MED24: variants seen among roughly 807,000 people sequenced by gnomAD.
MED24 encodes mediator of RNA polymerase II transcription subunit 24.
In MED24, 74 loss-of-function variants were observed where a neutral mutation model predicts 118.8. The ratio of observed to expected loss-of-function variants is 0.62; its 90% CI spans 0.52 to 0.76. MED24 has a LOEUF of 0.76. Ranked by LOEUF, MED24 falls within the 30% of genes least tolerant of loss-of-function variation. The pLI, the probability that MED24 is intolerant of heterozygous loss-of-function variation, is 0.00. For missense variants in MED24, 1,041 were observed against 1,278.9 expected (o/e 0.81, Z 2.84); for synonymous variants, 521 against 523.9 (o/e 0.99, Z 0.08).
rs1039135656 is a variant in MED24 at position 40,033,226 on chromosome 17, G to A, written c.672-20C>T. The A allele has an allele frequency of 1.2e-6, 2 of 1,613,314 alleles. No individual in the cohort carries two copies. Among genetic ancestry groups the A allele is most frequent in the Non-Finnish European group, 1.7e-6 (2 of 1,179,990 alleles). On this transcript the variant is annotated intron_variant, in intron 7 of 25. Coordinates refer to ENST00000394128, the MANE Select transcript of MED24 (RefSeq NM_014815.4). The surrounding 1 kb of genome is among the most constrained non-coding windows in gnomAD (Gnocchi z 5.2). ...GGGATGCTGAGGGGTCACAAACACAGGGGACGGTGTTTGGGGGGCCAAAGG... is the reference window on the plus strand; with the variant it reads ...GGGATGCTGAGGGGTCACAAACACAAGGGACGGTGTTTGGGGGGCCAAAGG...
In MED24 at chr17:40,020,425, C is replaced by T. The variant is rs531506360; in HGVS notation, c.2624-72G>A. 156 of 1,550,916 alleles carry T rather than the reference C, an allele frequency of 1.0e-4. No homozygotes were observed. In the African/African-American group the frequency reaches 1.8e-3, roughly 18 times the overall value. On this transcript the variant is annotated intron_variant, in intron 23 of 25. Coordinates refer to ENST00000394128, the MANE Select transcript of MED24 (RefSeq NM_014815.4). The stretch of plus-strand genomic sequence containing the variant: ...CAAAAGTGGTGCTCCCCGGGGATGC[C>T]CCAACCCGACCTTCACCCATCGGAG...
rs771666982 is a variant in MED24 at position 40,026,841 on chromosome 17, G to A, written c.1709+15C>T. ...CCCCACCGCCACCCTTGGAGTGGGC[G>A]CCCGGGCCACTGACACTAGCTTCAT... On this transcript the variant is annotated intron_variant, in intron 17 of 25. Transcript: ENST00000394128. 5.0e-6 allele frequency: 8 copies of A among 1,610,528 alleles called. No homozygotes were observed. The highest frequency in any genetic ancestry group is 2.2e-5 in the South Asian group (2 of 90,974).
intron 3 of MED24, among the ~76,000 whole-genome samples, chr17:40,047,705 A>C (rs575411220): frequency 2.0e-3 from 298 of 152,120 alleles, no homozygotes; most frequent in African/African-American, 6.6e-3. Flanking sequence ...CAACAACAAA[A>C]AAAAAACCCT....
chr17:40,029,990 G>A lies in MED24; in HGVS notation c.1155-131C>T, dbSNP rs1983174586. On this transcript the variant is annotated intron_variant, in intron 12 of 25. Coordinates refer to ENST00000394128, the MANE Select transcript of MED24 (RefSeq NM_014815.4). ...GCATGTAAGAACCTCCGAGGTTGGG[G>A]TGAAGTTTATGGAAGCATAGTCAAT... The A allele has an allele frequency of 1.9e-5, 14 of 735,306 alleles. No individual in the cohort carries two copies. In the South Asian group the frequency reaches 2.4e-4, roughly 12 times the overall value. 45.5% of individuals were successfully genotyped at this position (735,306 alleles called of 1,614,324 possible).
chr17:40,046,453 TAAG>T (rs577075855), intron 3 of MED24, among the ~76,000 whole-genome samples: 215 of 147,802 alleles, frequency 1.5e-3, no homozygotes, highest in African/African-American at 4.1e-3. Flanking sequence ...AGTTAAAAAA[TAAG>T]AAGAAAAGGC....
At chr17:40,053,415 T>C in intron 2 of MED24, 35 bp from the exon 3 acceptor site, 1 of 1,613,472 alleles carries the variant, frequency 6.2e-7, no homozygotes, top group Non-Finnish European at 8.5e-7. Context: ...ACTGAGTGAT[T>C]ACAACTTCTC....
chr17:40,049,881 G>A (rs1985635933), intron 3 of MED24, among the ~76,000 whole-genome samples: 1 of 151,628 alleles, frequency 6.6e-6, no homozygotes, highest in Non-Finnish European at 1.5e-5. Flanking sequence ...TGGGCGTGGT[G>A]GCTCAAGCCT....
intron 3 of MED24, 99 bp downstream of exon 3, chr17:40,053,199 T>C: frequency 8.7e-7 from 1 of 1,155,938 alleles, no homozygotes; most frequent in East Asian, 2.5e-5. Flanking sequence ...CCTCCCACAA[T>C]GCTGGGATTA....
At position 40,033,194 on chromosome 17, in the gene MED24, C is replaced by G; in HGVS notation, c.684G>C (p.Met228Ile). ...GCATCTGCTCCGCATGCACAGACAG[C>G]ATCGTGGGGATGCTGAGGGGTCACA... ...CGTLIRSIPT[M>I]LSVHAEQMHK... Residue 228 changes from methionine (M) to isoleucine (I), a missense_variant, in exon 8 of 26, where the codon ATG becomes ATC. Around this residue, in one of 3 missense-constraint regions of MED24, gnomAD observed 434 missense variants for 514.9 expected, o/e 0.84. Transcript: ENST00000394128. This position sits in a 1 kb window ranked among gnomAD's most constrained non-coding sequence, Gnocchi z 5.2. 1 of 1,613,924 alleles carries G rather than the reference C, an allele frequency of 6.2e-7. No homozygotes were observed. Among genetic ancestry groups the G allele is most frequent in the Non-Finnish European group, 8.5e-7 (1 of 1,180,018 alleles).
Position 40,033,199 on chromosome 17 carries a change from T to G in MED24, c.679A>C (p.Thr227Pro). Residue 227 changes from threonine (T) to proline (P), a missense_variant, in exon 8 of 26, where the codon ACG becomes CCG. Thr to Pro is a conservative substitution (Grantham distance 38, BLOSUM62 -1). Coordinates refer to ENST00000394128, the MANE Select transcript of MED24 (RefSeq NM_014815.4). This position sits in a 1 kb window ranked among gnomAD's most constrained non-coding sequence, Gnocchi z 5.2. ...QCGTLIRSIP[T>P]MLSVHAEQMH... ...TGCTCCGCATGCACAGACAGCATCGTGGGGATGCTGAGGGGTCACAAACAC... is the reference window on the plus strand; with the variant it reads ...TGCTCCGCATGCACAGACAGCATCGGGGGGATGCTGAGGGGTCACAAACAC... 1 of 1,613,876 alleles carries G rather than the reference T, an allele frequency of 6.2e-7. No homozygotes were observed. Among genetic ancestry groups the G allele is most frequent in the Non-Finnish European group, 8.5e-7 (1 of 1,180,012 alleles).
intron 24 of MED24, 122 bp from the exon 25 acceptor site, chr17:40,020,055 G>C: frequency 1.6e-6 from 2 of 1,260,984 alleles, no homozygotes; most frequent in Non-Finnish European, 2.2e-6. Flanking sequence ...CCCCAAAATG[G>C]GGTGTCAGAG....
intron 24 of MED24, 80 bp downstream of exon 24, chr17:40,020,193 G>A: frequency 3.7e-6 from 5 of 1,358,996 alleles, no homozygotes; most frequent in African/African-American, 2.9e-5. Context: ...CCTTCCAGCT[G>A]ACAAGGTCTC....
intron 22 of MED24, 43 bp from the exon 23 acceptor site, chr17:40,022,097 C>T: frequency 7.0e-7 from 1 of 1,424,092 alleles, no homozygotes; most frequent in Non-Finnish European, 9.6e-7. Context: ...CTAAACCCCC[C>T]AGTTTCCAGC....
chr17:40,041,512 C>T (rs1211410779), intron 3 of MED24, among the ~76,000 whole-genome samples: 1 of 152,210 alleles, frequency 6.6e-6, no homozygotes, highest in East Asian at 1.9e-4. Flanking sequence ...CAGTCTAGAA[C>T]TCTCCTTTTG....
At chr17:40,046,521 GGATCAT>G (rs1555668898) in intron 3 of MED24, among the ~76,000 whole-genome samples, 1 of 149,726 alleles carries the variant, frequency 6.7e-6, no homozygotes, top group Non-Finnish European at 1.5e-5. Flanking sequence ...CGAGGCGGGC[GGATCAT>G]GAGGTCAGGA....
chr17:40,028,729 G>GT (rs989234189), intron 14 of MED24, 97 bp downstream of exon 14: 2 of 1,525,182 alleles, frequency 1.3e-6, no homozygotes, highest in Middle Eastern at 2.4e-4. Context: ...GTCTCTGGAT[G>GT]AGACCCAGAC....
chr17:40,035,794 A>G lies in MED24; in HGVS notation c.254T>C (p.Phe85Ser). Reference sequence around the variant, plus strand: ...ACACAGGTCCCGAGAAAAGTCATCAAACTGTGGAAAGGACAGTGGAGATGC... The same window carrying G: ...ACACAGGTCCCGAGAAAAGTCATCAGACTGTGGAAAGGACAGTGGAGATGC... Reference protein sequence around the residue: ...YSSVLTAISKFDDFSRDLCVQ... With the variant: ...YSSVLTAISKSDDFSRDLCVQ... Residue 85 changes from phenylalanine to serine, a missense_variant and splice_region_variant, in exon 5 of 26, where the codon TTT becomes TCT. By Grantham distance (155) the Phe-to-Ser change is radical (BLOSUM62 -2). Around this residue, in one of 3 missense-constraint regions of MED24, gnomAD observed 434 missense variants for 514.9 expected, o/e 0.84. Coordinates refer to ENST00000394128, the MANE Select transcript of MED24 (RefSeq NM_014815.4). The G allele has an allele frequency of 1.2e-6, 2 of 1,613,790 alleles. No homozygotes were observed. The highest frequency in any genetic ancestry group is 1.7e-6 in the Non-Finnish European group (2 of 1,179,742).
At chr17:40,020,163 G>T (rs1981786946) in intron 24 of MED24, 110 bp downstream of exon 24, 1 of 1,167,878 alleles carries the variant, frequency 8.6e-7, no homozygotes, top group Non-Finnish European at 1.2e-6. Flanking sequence ...GGAGAGGGAA[G>T]GGAGGGGCAC....
intron 3 of MED24, among the ~76,000 whole-genome samples, chr17:40,048,707 C>T (rs944236050): frequency 7.9e-5 from 12 of 152,042 alleles, no homozygotes; most frequent in Non-Finnish European, 1.5e-4. Flanking sequence ...GTGCGCACCA[C>T]CACACCCGGC....
Sources: gnomAD v4.1 joint callset for allele counts (sites outside exome capture counted in the v4.1 genomes callset) on GRCh38, gnomAD v4.1.1 for gene constraint, gnomAD v4.1.1 regional missense constraint, Gnocchi (gnomAD v3.1) non-coding constraint, MANE v1.5 for transcripts, NCBI Gene and HGNC (gene_info 2026-07-23, HGNC 2026-07-21) for gene names.